Variants in SNX18 observed in about 807,000 individuals in gnomAD.
SNX18 encodes sorting nexin-18.
In SNX18, 35 loss-of-function variants were observed where a neutral mutation model predicts 48.7. The ratio of observed to expected loss-of-function variants is 0.72; its 90% CI spans 0.55 to 0.95. The LOEUF (loss-of-function observed/expected upper bound fraction) is 0.95, where lower values mean the gene tolerates loss of function less well. Ranked by LOEUF, SNX18 falls within the 40% of genes least tolerant of loss-of-function variation. The probability of loss-of-function intolerance (pLI) is 0.00; values close to 1 mark genes in which losing one functional copy is unlikely to be tolerated. For synonymous variants in SNX18, 492 were observed against 384.7 expected, an observed-to-expected ratio of 1.28 and a Z score of -3.26; for missense variants, 824 against 871.0, an observed-to-expected ratio of 0.95 and a Z score of 0.68.
intron 1 of SNX18, among the ~76,000 whole-genome samples, chr5:54,523,433 T>C (rs994659617): frequency 4.6e-5 from 7 of 152,204 alleles, no homozygotes; most frequent in African/African-American, 1.7e-4. Context: ...TGTAAAAGAT[T>C]ATGAGAAATA....
At chr5:54,524,670 C>T (rs1238918376) in intron 1 of SNX18, among the ~76,000 whole-genome samples, 1 of 152,230 alleles carries the variant, frequency 6.6e-6, no homozygotes, top group Non-Finnish European at 1.5e-5. Flanking sequence ...GTATCATTAA[C>T]TAAAGGATTA....
chr5:54,578,969 T>G, the SNX18 span, among the ~76,000 whole-genome samples: 1 of 152,222 alleles, frequency 6.6e-6, no homozygotes, highest in African/African-American at 2.4e-5. Context: ...TTGGATAGTT[T>G]AAGCACTGAA....
intron 1 of SNX18, among the ~76,000 whole-genome samples, chr5:54,527,541 C>G (rs573192537): frequency 7.9e-5 from 12 of 152,192 alleles, no homozygotes; most frequent in Non-Finnish European, 1.3e-4. Context: ...GAGCAGCAAT[C>G]AGGAATTGAG....
chr5:54,598,479 C>A, the SNX18 span, among the ~76,000 whole-genome samples: 25 of 152,308 alleles, frequency 1.6e-4, no homozygotes, highest in Middle Eastern at 3.4e-3. Flanking sequence ...TGTAAAAATT[C>A]TCAATAAAAT....
the SNX18 span, among the ~76,000 whole-genome samples, chr5:54,609,938 C>T: frequency 2.6e-5 from 4 of 151,926 alleles, no homozygotes; most frequent in Non-Finnish European, 4.4e-5. Context: ...AGTGAATTCT[C>T]GTGAGATCTG....
chr5:54,600,903 T>A, the SNX18 span, among the ~76,000 whole-genome samples: 1 of 152,056 alleles, frequency 6.6e-6, no homozygotes, highest in Non-Finnish European at 1.5e-5. Flanking sequence ...AGGTGATGAG[T>A]TGATAGGTGC....
the SNX18 span, among the ~76,000 whole-genome samples, chr5:54,624,232 C>A: frequency 6.6e-6 from 1 of 152,138 alleles, no homozygotes; most frequent in Admixed American, 6.5e-5. Context: ...ATAATGTATT[C>A]TCAATGGTGC....
At chr5:54,566,985 C>T in the SNX18 span, among the ~76,000 whole-genome samples, 19 of 152,342 alleles carry the variant, frequency 1.2e-4, no homozygotes, top group African/African-American at 4.3e-4. Flanking sequence ...GGCTGGGCCT[C>T]ACCTTTCCTG....
the SNX18 span, among the ~76,000 whole-genome samples, chr5:54,574,892 A>T: frequency 7.9e-5 from 12 of 152,324 alleles, no homozygotes; most frequent in Admixed American, 6.5e-4. Flanking sequence ...TTAGACATTC[A>T]TCAAGACTAA....
At chr5:54,541,324 G>A (rs939816740) in intron 1 of SNX18, among the ~76,000 whole-genome samples, 3 of 152,096 alleles carry the variant, frequency 2.0e-5, no homozygotes, top group Admixed American at 6.5e-5. Context: ...CACCGCGCCC[G>A]GCCCTCCTGG....
At chr5:54,635,705 C>G in the SNX18 span, among the ~76,000 whole-genome samples, 2 of 152,200 alleles carry the variant, frequency 1.3e-5, no homozygotes, top group African/African-American at 4.8e-5. Flanking sequence ...CATATACCAA[C>G]TATGGGGAGA....
Position 54,518,632 on chromosome 5 carries a change from GCA to G in SNX18, c.681_682del (p.Asn228ProfsTer123). The G allele has an allele frequency of 6.4e-7, 1 of 1,558,988 alleles. No homozygotes were observed. The highest frequency in any genetic ancestry group is 8.7e-7 in the Non-Finnish European group (1 of 1,154,826). On this transcript the variant is annotated frameshift_variant, in exon 1 of 2. Transcript: ENST00000381410. LOFTEE classifies it high-confidence loss of function. The stretch of plus-strand genomic sequence containing the variant: ...CCCAAGAGCTCGGCCACCGTGAGCC[GCA>G]ACCTCAATCGCTTCTCCACCTTCGT...
the SNX18 span, among the ~76,000 whole-genome samples, chr5:54,637,097 T>C: frequency 6.6e-6 from 1 of 152,186 alleles, no homozygotes; most frequent in Non-Finnish European, 1.5e-5. Flanking sequence ...TGTGGAACAG[T>C]GGATGTGTGA....
At chr5:54,578,217 G>A in the SNX18 span, among the ~76,000 whole-genome samples, 5 of 152,182 alleles carry the variant, frequency 3.3e-5, no homozygotes, top group Admixed American at 2.0e-4. Context: ...CACTTACAAC[G>A]TGATCCATCA....
At chr5:54,524,009 T>C (rs572511531) in intron 1 of SNX18, among the ~76,000 whole-genome samples, 18 of 152,336 alleles carry the variant, frequency 1.2e-4, no homozygotes, top group Admixed American at 9.2e-4. Flanking sequence ...GGGCTAGAAA[T>C]TGAGGCTGTT....
chr5:54,640,658 TAAAAGAGCTTGTGGGGGCAACTC>T, the SNX18 span, among the ~76,000 whole-genome samples: 1 of 151,980 alleles, frequency 6.6e-6, no homozygotes, highest in African/African-American at 2.4e-5. Context: ...TCATAATGAG[TAAAAGAGCTTGTGGGGGCAACTC>T]AAAAGAGGGT....
chr5:54,579,241 G>A, the SNX18 span, among the ~76,000 whole-genome samples: 3 of 152,030 alleles, frequency 2.0e-5, no homozygotes, highest in African/African-American at 7.2e-5. Flanking sequence ...TACTAAGGAG[G>A]CTGAGGCAGG....
the SNX18 span, among the ~76,000 whole-genome samples, chr5:54,640,086 G>A: frequency 9.0e-4 from 137 of 152,254 alleles, no homozygotes; most frequent in Middle Eastern, 0.01. Context: ...TCAGTGTGGT[G>A]TCCAATATCT....
chr5:54,558,648 G>A, the SNX18 span, among the ~76,000 whole-genome samples: 2 of 152,102 alleles, frequency 1.3e-5, no homozygotes, highest in African/African-American at 2.4e-5. Context: ...TAAATTAATA[G>A]TCTTACTTCC....
Sources: allele counts gnomAD v4.1 joint callset (sites outside exome capture counted in the v4.1 genomes callset), GRCh38; gene constraint gnomAD v4.1.1; transcripts MANE v1.5; gene names NCBI Gene and HGNC (gene_info 2026-07-23, HGNC 2026-07-21).